CES4A: variants seen among roughly 807,000 people sequenced by gnomAD.
CES4A encodes carboxylesterase 4A.
A neutral mutation model predicts 65.4 loss-of-function variants in CES4A; 48 were observed. That is an observed-to-expected ratio of 0.73 (90% confidence interval 0.58 to 0.93). The LOEUF is 0.93. Among genes scored for constraint, CES4A ranks in the 40% least tolerant of loss-of-function variants. The probability of loss-of-function intolerance (pLI) is 0.00; values close to 1 mark genes in which losing one functional copy is unlikely to be tolerated. For synonymous variants in CES4A, 247 were observed against 281.8 expected (o/e 0.88, Z 1.24); for missense variants, 685 against 728.5 (o/e 0.94, Z 0.69).
chr16:66,998,049 G>T (rs1290307062), intron 2 of CES4A, among the ~76,000 whole-genome samples: 1 of 151,866 alleles, frequency 6.6e-6, no homozygotes, highest in Non-Finnish European at 1.5e-5. Context: ...TGTTCCACGT[G>T]GAGGGGCGGT....
At chr16:67,008,982 A>G (rs1172935044) in exon 14 of CES4A, 9 of 1,612,248 alleles carry the variant, frequency 5.6e-6, no homozygotes, top group Non-Finnish European at 7.6e-6. Context: ...AGAAACCCCA[A>G]TGATGGGAAT....
intron 13 of CES4A, chr16:67,007,057 T>C: frequency 3.8e-6 from 2 of 530,672 alleles, no homozygotes; most frequent in Non-Finnish European, 6.7e-6. Context: ...CCACAGTCAT[T>C]CACCACTGCA....
intron 2 of CES4A, 30 bp downstream of exon 2, chr16:66,995,859 G>C (rs1042167676): frequency 6.3e-7 from 1 of 1,590,156 alleles, no homozygotes; most frequent in Non-Finnish European, 8.6e-7. Flanking sequence ...CCACTGGGAG[G>C]GGGCAATGGG....
rs748948798 is a variant in CES4A, at chr16:67,005,219, A to G, written c.1162-21A>G. On this transcript the variant is annotated intron_variant, in intron 10 of 13. Coordinates refer to ENST00000648724, the Ensembl canonical transcript of CES4A. ...CCCAGCTGGCACCCAGGCCTCAGGT[A>G]AGTGTGGCCTCCTCACTCAGAATAT... 73 of 1,613,376 alleles carry G rather than the reference A, an allele frequency of 4.5e-5. 2 individuals carry two copies. In the South Asian group the frequency reaches 7.5e-4, roughly 17 times the overall value.
In CES4A at chr16:67,000,685, C is replaced by A; in HGVS notation, c.308C>A (p.Thr103Lys). Reference sequence around the variant, plus strand: ...CAGCTGGCCTCGATGTACGTCAGCACGCGGGAACGGTACAAGTGGCTGCGC... The same window carrying A: ...CAGCTGGCCTCGATGTACGTCAGCAAGCGGGAACGGTACAAGTGGCTGCGC... Residue 103 changes from threonine to lysine, a missense_variant, in exon 3 of 14, where the codon ACG becomes AAG. By Grantham distance (78) the Thr-to-Lys change is moderately conservative. Transcript: ENST00000648724. This position sits in a 1 kb window ranked among gnomAD's most constrained non-coding sequence, Gnocchi z 4.2. 6.4e-7 allele frequency: 1 copy of A among 1,550,604 alleles called. No homozygotes were observed. Among genetic ancestry groups the A allele is most frequent in the Non-Finnish European group, 8.7e-7 (1 of 1,147,444 alleles).
exon 1 of CES4A, chr16:66,988,763 T>C: frequency 6.4e-7 from 1 of 1,561,352 alleles, no homozygotes; most frequent in African/African-American, 1.4e-5. Flanking sequence ...CAGCAGGAGC[T>C]GGCTGGAGCA....
At position 67,009,173 on chromosome 16, in the gene CES4A, G is replaced by C. The variant is rs898863136; in HGVS notation, c.*31G>C. 2.5e-6 allele frequency: 4 copies of C among 1,594,722 alleles called. No individual in the cohort carries two copies. In the Admixed American group the frequency reaches 7.0e-5, roughly 28 times the overall value. On this transcript the variant is annotated 3_prime_UTR_variant, in exon 14 of 14. Transcript: ENST00000648724. ...GCTATGCAGGAAGGAGCCAAAGAGG[G>C]GTTTGCCCCCACCATCCAGGCCCTG...
chr16:67,000,761 C>G lies in CES4A; in HGVS notation c.384C>G (p.Pro128=). The change falls in exon 3 of 14, where the codon CCC becomes CCG. Residue 128 remains proline, a synonymous_variant. Coordinates refer to ENST00000648724, the Ensembl canonical transcript of CES4A. This position sits in a 1 kb window ranked among gnomAD's most constrained non-coding sequence, Gnocchi z 4.2. ...ACGTGTACGCGCCGGCGCGCGCGCCCGGGGATCCCCAGCTGCCAGTGAGTG... is the reference window on the plus strand; with the variant it reads ...ACGTGTACGCGCCGGCGCGCGCGCCGGGGGATCCCCAGCTGCCAGTGAGTG... The G allele has an allele frequency of 6.5e-7, 1 of 1,549,198 alleles. No homozygotes were observed. The highest frequency in any genetic ancestry group is 8.7e-7 in the Non-Finnish European group (1 of 1,146,068).
At chr16:67,005,348 G>A (rs944187597) in exon 11 of CES4A, 2 of 1,613,986 alleles carry the variant, frequency 1.2e-6, no homozygotes, top group Non-Finnish European at 1.7e-6. Flanking sequence ...AGTTCAAGAT[G>A]CCACTTTCGT....
At chr16:67,006,844 G>T in intron 13 of CES4A, 27 bp downstream of exon 13, 1 of 1,607,074 alleles carries the variant, frequency 6.2e-7, no homozygotes, top group Non-Finnish European at 8.5e-7. Context: ...GCACATCTGG[G>T]CATTCTACCT....
At chr16:67,009,324 C>T (rs1191299376) in exon 14 of CES4A, 2 of 562,860 alleles carry the variant, frequency 3.6e-6, no homozygotes, top group Non-Finnish European at 6.2e-6. Flanking sequence ...ACCTGCACTG[C>T]CCTTTCCAGC....
Position 67,000,791 on chromosome 16 carries a change from G to C in CES4A, c.402+12G>C. The C allele has an allele frequency of 1.3e-6, 2 of 1,549,762 alleles. No individual in the cohort carries two copies. The highest frequency in any genetic ancestry group is 1.4e-5 in the African/African-American group (1 of 73,028). ...ATCCCCAGCTGCCAGTGAGTGCCAG[G>C]TCTCCCGCGCCCGCGGTCCCACCGC... is the stretch of plus-strand genomic sequence containing the variant. On this transcript the variant is annotated intron_variant, in intron 3 of 13. Transcript: ENST00000648724. This position sits in a 1 kb window ranked among gnomAD's most constrained non-coding sequence, Gnocchi z 4.2.
intron 13 of CES4A, chr16:67,007,620 T>TC (rs1965871612): frequency 6.6e-6 from 1 of 151,938 alleles, no homozygotes; most frequent in Non-Finnish European, 1.5e-5. Flanking sequence ...TCTTCTTCTT[T>TC]TTTTTTTTAA....
rs1210129480 is a variant in CES4A, at chr16:67,001,191, G to T, written c.537-117G>T. 7.2e-7 allele frequency: 1 copy of T among 1,386,712 alleles called. No homozygotes were observed. The highest frequency in any genetic ancestry group is 9.6e-7 in the Non-Finnish European group (1 of 1,044,746). The allele number at this position is 1,386,712 out of a possible 1,614,324, so 85.9% of individuals were successfully genotyped here. A position where few individuals can be genotyped will look rare whatever the true frequency, so the allele number is the denominator to read the frequency against. ...TAACTCCAAGGAAGGGGGTGTGGTC[G>T]CAGGACTGGGTCTTAGAGGGGCAAG... On this transcript the variant is annotated intron_variant, in intron 4 of 13. Transcript: ENST00000648724. This position sits in a 1 kb window ranked among gnomAD's most constrained non-coding sequence, Gnocchi z 4.1.
chr16:66,991,721 C>A (rs1322675464), intron 1 of CES4A, among the ~76,000 whole-genome samples: 2 of 152,186 alleles, frequency 1.3e-5, no homozygotes, highest in Non-Finnish European at 2.9e-5. Context: ...TTCTGTGTGA[C>A]CTTGGCCAAC....
At position 67,003,207 on chromosome 16, in the gene CES4A, G is replaced by C. The variant is rs1177490209; in HGVS notation, c.795+33G>C. 6.2e-7 allele frequency: 1 copy of C among 1,612,090 alleles called. No individual in the cohort carries two copies. The highest frequency in any genetic ancestry group is 8.5e-7 in the Non-Finnish European group (1 of 1,178,276). ...CCTCTCCTTCCCCAGGGCTCAGCATGGAAGGGCAGGATGGAAGCACCACTG... is the reference window on the plus strand; with the variant it reads ...CCTCTCCTTCCCCAGGGCTCAGCATCGAAGGGCAGGATGGAAGCACCACTG... On this transcript the variant is annotated intron_variant, in intron 6 of 13. Transcript: ENST00000648724. This position sits in a 1 kb window ranked among gnomAD's most constrained non-coding sequence, Gnocchi z 4.2.
rs561709136 is a variant in CES4A at position 66,991,228 on chromosome 16, T to C, written c.58+2398T>C. Among the ~76,000 whole-genome samples the C allele has an allele frequency of 5.3e-5, 8 of 152,258 alleles. No individual in the cohort carries two copies. In the South Asian group the frequency reaches 1.7e-3, roughly 32 times the overall value. On this transcript the variant is annotated intron_variant, in intron 1 of 13. Transcript: ENST00000648724. ...TTAGTAGAGACAGGGTTTCACCATG[T>C]TGGCCAGGCTGGTCTCGAACTCCTG...
At chr16:66,991,359 G>A (rs960402045) in intron 1 of CES4A, among the ~76,000 whole-genome samples, 4 of 152,074 alleles carry the variant, frequency 2.6e-5, no homozygotes, top group African/African-American at 4.8e-5. Flanking sequence ...TATACATTTC[G>A]CCAAATTATT....
rs1423291366 is a variant in CES4A, at chr16:67,001,440, G to A, written c.669G>A (p.Gly223=). Residue 223 remains glycine (G), a synonymous_variant, in exon 5 of 14, where the codon GGG becomes GGA. Coordinates refer to ENST00000648724, the Ensembl canonical transcript of CES4A. This position sits in a 1 kb window ranked among gnomAD's most constrained non-coding sequence, Gnocchi z 4.1. ...TGACCCTGTTCGGCCAGTCGGCGGG[G>A]GCCATGAGCATCTCAGGACTGGTGA... 1.9e-6 allele frequency: 3 copies of A among 1,610,404 alleles called. No homozygotes were observed. Among genetic ancestry groups the A allele is most frequent in the Non-Finnish European group, 1.7e-6 (2 of 1,178,160 alleles).
Sources: gnomAD v4.1 joint callset for allele counts (sites outside exome capture counted in the v4.1 genomes callset) on GRCh38, gnomAD v4.1.1 for gene constraint, Gnocchi (gnomAD v3.1) non-coding constraint, MANE v1.5 for transcripts, NCBI Gene and HGNC (gene_info 2026-07-23, HGNC 2026-07-21) for gene names.